SLC22A23: variants seen among roughly 807,000 people sequenced by gnomAD.
SLC22A23 encodes ion transporter protein.
SLC22A23 carries 26 observed loss-of-function variants against 61.0 expected under a neutral mutation model. The observed-to-expected ratio is 0.43, with a 90% CI of 0.31 to 0.59. The LOEUF (loss-of-function observed/expected upper bound fraction) is 0.59, where lower values mean the gene tolerates loss of function less well. SLC22A23 is among the 20% of genes least tolerant of loss of function. SLC22A23 has a pLI of 0.11. For synonymous variants in SLC22A23, 430 were observed against 413.9 expected (o/e 1.04, Z -0.47); for missense variants, 796 against 934.7 (o/e 0.85, Z 1.94).
intron 3 of SLC22A23, among the ~76,000 whole-genome samples, chr6:3,394,038 T>A (rs888884557): frequency 2.0e-5 from 3 of 152,154 alleles, no homozygotes; most frequent in African/African-American, 7.2e-5. Flanking sequence ...AGAAGAGCAA[T>A]GACCCCCTGC....
intron 4 of SLC22A23, among the ~76,000 whole-genome samples, chr6:3,314,760 T>C (rs1762538600): frequency 6.6e-6 from 1 of 152,200 alleles, no homozygotes; most frequent in South Asian, 2.1e-4. Flanking sequence ...GTAGCATGTC[T>C]GTTTTTTTCT....
At chr6:3,451,258 C>T (rs1482389350) in intron 1 of SLC22A23, among the ~76,000 whole-genome samples, 1 of 152,222 alleles carries the variant, frequency 6.6e-6, no homozygotes, top group Non-Finnish European at 1.5e-5. Flanking sequence ...AGTGCAGTGG[C>T]GCGATCTCGC....
Position 3,293,054 on chromosome 6 carries a change from G to A in SLC22A23, c.1211-3188C>T, listed in dbSNP as rs1020298787. Among the ~76,000 whole-genome samples the A allele has an allele frequency of 9.8e-5, 15 of 152,298 alleles. No homozygotes were observed. In the East Asian group the frequency reaches 2.1e-3, roughly 22 times the overall value. Reference sequence around the variant, plus strand: ...ACAGCAGAGGACGCAGTGGCCACTCGCCCAAGACCAGGCTCAGGAGGAGCA... The same window carrying A: ...ACAGCAGAGGACGCAGTGGCCACTCACCCAAGACCAGGCTCAGGAGGAGCA... On this transcript the variant is annotated intron_variant, in intron 5 of 9. Transcript: ENST00000406686.
At chr6:3,326,712 G>C (rs976394803) in intron 3 of SLC22A23, among the ~76,000 whole-genome samples, 1 of 152,214 alleles carries the variant, frequency 6.6e-6, no homozygotes, top group African/African-American at 2.4e-5. Flanking sequence ...AAGGACACAG[G>C]TATGGCCATC....
intron 3 of SLC22A23, among the ~76,000 whole-genome samples, chr6:3,400,889 G>T (rs954242004): frequency 6.6e-6 from 1 of 152,170 alleles, no homozygotes; most frequent in African/African-American, 2.4e-5. Context: ...TGAGTCACGG[G>T]AATATCATGT....
intron 6 of SLC22A23, among the ~76,000 whole-genome samples, chr6:3,288,578 A>G (rs1039986249): frequency 6.6e-6 from 1 of 152,268 alleles, no homozygotes; most frequent in Non-Finnish European, 1.5e-5. Flanking sequence ...TGACCACAAC[A>G]GGTCATCTGA....
At chr6:3,300,474 T>C (rs1761520490) in intron 4 of SLC22A23, among the ~76,000 whole-genome samples, 1 of 151,970 alleles carries the variant, frequency 6.6e-6, no homozygotes, top group South Asian at 2.1e-4. Flanking sequence ...TGAAGAGAGG[T>C]GCCTTGCCCC....
intron 3 of SLC22A23, among the ~76,000 whole-genome samples, chr6:3,352,983 A>G (rs1764866612): frequency 6.6e-6 from 1 of 152,192 alleles, no homozygotes; most frequent in Admixed American, 6.5e-5. Flanking sequence ...GAACAGGGTC[A>G]AAATATGTAT....
chr6:3,298,415 C>A (rs1366499557), intron 4 of SLC22A23, among the ~76,000 whole-genome samples, 197 bp from the exon 5 acceptor site: 1 of 151,896 alleles, frequency 6.6e-6, no homozygotes, highest in Non-Finnish European at 1.5e-5. Flanking sequence ...AAAATCAAGA[C>A]CTTAAAAATG....
intron 9 of SLC22A23, among the ~76,000 whole-genome samples, chr6:3,273,966 C>T (rs1758671837): frequency 6.6e-6 from 1 of 152,172 alleles, no homozygotes; most frequent in Non-Finnish European, 1.5e-5. Context: ...CACGTGTCTC[C>T]TGAAATTGCT....
chr6:3,296,114 C>T (rs1345348628), intron 5 of SLC22A23, among the ~76,000 whole-genome samples: 1 of 152,200 alleles, frequency 6.6e-6, no homozygotes, highest in African/African-American at 2.4e-5. Flanking sequence ...TAGGGAAATG[C>T]CACAAACAAA....
At position 3,345,731 on chromosome 6, in the gene SLC22A23, C is replaced by T. The variant is rs529981533; in HGVS notation, c.914-21729G>A. Among the ~76,000 whole-genome samples, 8 of 152,190 alleles carry T rather than the reference C, an allele frequency of 5.3e-5. No individual in the cohort carries two copies. In the South Asian group the frequency reaches 1.7e-3, roughly 32 times the overall value. On this transcript the variant is annotated intron_variant, in intron 3 of 9. Coordinates refer to ENST00000406686, the MANE Select transcript of SLC22A23 (RefSeq NM_015482.2). ...ACAAGAGGATAAGAGAAACGTGGGACTTGTATTTATATGGAATTGAGATGG... is the reference window on the plus strand; with the variant it reads ...ACAAGAGGATAAGAGAAACGTGGGATTTGTATTTATATGGAATTGAGATGG...
chr6:3,455,791 C>T, intron 1 of SLC22A23, 115 bp downstream of exon 1: 2 of 1,272,542 alleles, frequency 1.6e-6, no homozygotes, highest in Non-Finnish European at 2.1e-6. Context: ...ATGCGGAATG[C>T]CCTACACACA....
rs754320914 is a variant in SLC22A23 at position 3,298,197 on chromosome 6, C to T, written c.1104G>A (p.Arg368=). 8.8e-6 allele frequency: 14 copies of T among 1,592,738 alleles called. No homozygotes were observed. In the South Asian group the frequency reaches 1.4e-4, roughly 16 times the overall value. ...LYWSIFPESL[R]WLMATQQFES... ...CAAACTGCTGGGTGGCCATTAGCCA[C>T]CGGAGGGACTCGGGGAATATCCTTT... Residue 368 remains arginine (R), a synonymous_variant, in exon 5 of 10, where the codon CGG becomes CGA. Coordinates refer to ENST00000406686, the MANE Select transcript of SLC22A23 (RefSeq NM_015482.2).
Position 3,286,674 on chromosome 6 carries a change from G to C in SLC22A23, c.1546+185C>G, listed in dbSNP as rs962184269. On this transcript the variant is annotated intron_variant, in intron 7 of 9. Transcript: ENST00000406686. The surrounding 1 kb of genome is among the most constrained non-coding windows in gnomAD (Gnocchi z 4.2). ...GGGCAGGGGCAGGGGGAGGCGGGAAGGCCCAGTGCCCTCTAAGGCGGGCTC... is the reference window on the plus strand; with the variant it reads ...GGGCAGGGGCAGGGGGAGGCGGGAACGCCCAGTGCCCTCTAAGGCGGGCTC... Among the ~76,000 whole-genome samples the C allele has an allele frequency of 6.6e-6, 1 of 152,206 alleles. No homozygotes were observed. Among genetic ancestry groups the C allele is most frequent in the Non-Finnish European group, 1.5e-5 (1 of 68,032 alleles).
In SLC22A23 at chr6:3,323,897, C is replaced by T. The variant is rs766850904; in HGVS notation, c.1019G>A (p.Arg340Gln). The change falls in exon 4 of 10, where the codon CGG becomes CAG. Residue 340 changes from arginine to glutamine, a missense_variant. Physicochemically the swap from Arg to Gln is conservative, Grantham distance 43. Coordinates refer to ENST00000406686, the MANE Select transcript of SLC22A23 (RefSeq NM_015482.2). ...FLMPGLAALC[R>Q]DWQVLQALII... ...GAGGGCCTGCAGCACCTGCCAATCC[C>T]GGCACAGGGCGGCTAGCCCAGGCAT... 73 of 1,614,026 alleles carry T rather than the reference C, an allele frequency of 4.5e-5. No homozygotes were observed. The highest frequency in any genetic ancestry group is 1.3e-4 in the East Asian group (6 of 44,888).
chr6:3,301,684 A>G lies in SLC22A23; in HGVS notation c.1083-3466T>C, dbSNP rs114090736. Among the ~76,000 whole-genome samples the G allele has an allele frequency of 7.4e-3, 1,126 of 152,340 alleles. 13 individuals carry two copies. The highest frequency in any genetic ancestry group is 0.026 in the African/African-American group (1,087 of 41,576). On this transcript the variant is annotated intron_variant, in intron 4 of 9. Transcript: ENST00000406686. ...CCACGTACCCCAAGGGCCACTGCCCAGGGCTGAGGGCGCAGGTGGTGTGAA... is the reference window on the plus strand; with the variant it reads ...CCACGTACCCCAAGGGCCACTGCCCGGGGCTGAGGGCGCAGGTGGTGTGAA...
At chr6:3,334,771 A>T (rs1763760213) in intron 3 of SLC22A23, among the ~76,000 whole-genome samples, 1 of 152,152 alleles carries the variant, frequency 6.6e-6, no homozygotes, top group African/African-American at 2.4e-5. Context: ...TAGAAAACAA[A>T]ACACTGTCTA....
intron 3 of SLC22A23, among the ~76,000 whole-genome samples, chr6:3,402,565 C>T (rs1561954912): frequency 6.7e-6 from 1 of 148,594 alleles, no homozygotes; most frequent in East Asian, 2.0e-4. Context: ...CAATCATCCA[C>T]ACTACCCAGA....
Sources: gnomAD v4.1 joint callset for allele counts (sites outside exome capture counted in the v4.1 genomes callset) on GRCh38, gnomAD v4.1.1 for gene constraint, Gnocchi (gnomAD v3.1) non-coding constraint, MANE v1.5 for transcripts, NCBI Gene and HGNC (gene_info 2026-07-23, HGNC 2026-07-21) for gene names.